Variants in TBC1D15 observed in about 807,000 individuals in gnomAD.
The protein encoded by TBC1D15 is GAP for RAB7.
In TBC1D15, 39 loss-of-function variants were observed where a neutral mutation model predicts 95.4. The observed-to-expected ratio is 0.41, with a 90% CI of 0.32 to 0.53. The LOEUF is 0.53. Among genes scored for constraint, TBC1D15 ranks in the 20% least tolerant of loss-of-function variants. The pLI is 0.29. For missense variants in TBC1D15, 733 were observed against 794.3 expected (o/e 0.92, Z 0.93); for synonymous variants, 258 against 261.3 (o/e 0.99, Z 0.12).
At chr12:71,912,258 T>G (rs1902557516) in intron 11 of TBC1D15, among the ~76,000 whole-genome samples, 1 of 152,178 alleles carries the variant, frequency 6.6e-6, no homozygotes, top group Non-Finnish European at 1.5e-5. Flanking sequence ...AGATACCTTG[T>G]TGTATGTCAC....
intron 11 of TBC1D15, among the ~76,000 whole-genome samples, chr12:71,910,378 G>GT (rs1199981079): frequency 6.7e-6 from 1 of 150,036 alleles, no homozygotes; most frequent in Non-Finnish European, 1.5e-5. Flanking sequence ...CTTTAAAGTA[G>GT]TTTTTTCCAA....
chr12:71,849,098 A>G (rs1181044250), intron 1 of TBC1D15: 1 of 187,954 alleles, frequency 5.3e-6, no homozygotes, highest in African/African-American at 2.4e-5. Flanking sequence ...TCAGATATTA[A>G]TTTTTTTCAA....
intron 10 of TBC1D15, among the ~76,000 whole-genome samples, chr12:71,905,189 C>T (rs1395360707): frequency 2.6e-5 from 4 of 151,940 alleles, no homozygotes; most frequent in Non-Finnish European, 3.0e-5. Flanking sequence ...AGAATACAAA[C>T]AACTTTTTTT....
At chr12:71,884,156 A>G (rs764781146) in intron 4 of TBC1D15, among the ~76,000 whole-genome samples, 1 of 152,154 alleles carries the variant, frequency 6.6e-6, no homozygotes, top group Non-Finnish European at 1.5e-5. Context: ...ATGTCTGTAT[A>G]TTCACTCCAG....
chr12:71,880,200 A>T (rs1313815117), intron 3 of TBC1D15, among the ~76,000 whole-genome samples: 1 of 152,000 alleles, frequency 6.6e-6, no homozygotes, highest in South Asian at 2.1e-4. Context: ...TGAGGCTTTT[A>T]TTATGAAAGC....
intron 1 of TBC1D15, among the ~76,000 whole-genome samples, chr12:71,853,145 A>G (rs1888239903): frequency 6.6e-6 from 1 of 152,228 alleles, no homozygotes; most frequent in South Asian, 2.1e-4. Flanking sequence ...GGGAGGACTC[A>G]GGAAACTTAC....
intron 1 of TBC1D15, among the ~76,000 whole-genome samples, chr12:71,840,266 T>A (rs1404868753): frequency 2.0e-5 from 3 of 152,188 alleles, no homozygotes; most frequent in African/African-American, 7.2e-5. Context: ...AGGAGCTGAA[T>A]AGATGCTAGG....
At chr12:71,893,129 T>C (rs1897495066) in intron 5 of TBC1D15, 93 bp from the exon 6 acceptor site, 1 of 639,110 alleles carries the variant, frequency 1.6e-6, no homozygotes, top group African/African-American at 1.9e-5. Flanking sequence ...GGTTTTTTTT[T>C]TTTTTGGTAA....
chr12:71,861,039 C>T (rs977179267), intron 1 of TBC1D15, among the ~76,000 whole-genome samples: 2 of 152,270 alleles, frequency 1.3e-5, no homozygotes, highest in Non-Finnish European at 2.9e-5. Context: ...ACCATCCATG[C>T]ATCCTGGGAT....
At chr12:71,840,765 A>C (rs1350924246) in intron 1 of TBC1D15, among the ~76,000 whole-genome samples, 1 of 152,102 alleles carries the variant, frequency 6.6e-6, no homozygotes, top group Non-Finnish European at 1.5e-5. Flanking sequence ...CCCATTTTGA[A>C]TTATTTGACA....
At chr12:71,883,100 A>G (rs1020939442) in intron 4 of TBC1D15, among the ~76,000 whole-genome samples, 1 of 151,688 alleles carries the variant, frequency 6.6e-6, no homozygotes, top group Non-Finnish European at 1.5e-5. Context: ...AAAATTGTCT[A>G]TATGTAGTTT....
intron 3 of TBC1D15, among the ~76,000 whole-genome samples, chr12:71,877,041 C>T (rs973808278): frequency 2.0e-5 from 3 of 151,938 alleles, no homozygotes; most frequent in South Asian, 2.1e-4. Context: ...GAATCCCTGA[C>T]CTCAAGTGAT....
At chr12:71,866,298 C>T (rs961979881) in intron 1 of TBC1D15, among the ~76,000 whole-genome samples, 11 of 152,308 alleles carry the variant, frequency 7.2e-5, no homozygotes, top group South Asian at 2.1e-4. Context: ...AGGACAGATG[C>T]GGTATCTTCT....
At position 71,917,811 on chromosome 12, in the gene TBC1D15, A is replaced by T; in HGVS notation, c.1501+14A>T. On this transcript the variant is annotated intron_variant, in intron 13 of 16. Transcript: ENST00000485960. ...GCAGTTACTTAGGTAAGTTTAGTGA[A>T]TCAGAACTATACCCAGCAAATTGTA... The T allele has an allele frequency of 6.5e-7, 1 of 1,527,534 alleles. No individual in the cohort carries two copies. The highest frequency in any genetic ancestry group is 1.1e-5 in the South Asian group (1 of 88,762). 94.6% of individuals were successfully genotyped at this position (1,527,534 alleles called of 1,614,324 possible).
intron 1 of TBC1D15, among the ~76,000 whole-genome samples, chr12:71,840,035 G>T (rs918145748): frequency 3.9e-5 from 6 of 152,132 alleles, no homozygotes; most frequent in African/African-American, 1.4e-4. Flanking sequence ...AGGCCTCGGC[G>T]CTCTTCTGCC....
In TBC1D15 at chr12:71,921,994, G is replaced by A. The variant is rs529838896; in HGVS notation, c.1803+540G>A. ...GGGCCTTGCTAAGTTGCCCAAGCTGGCCTTGAACTCCTGGGCTCAAGTGAT... is the reference window on the plus strand; with the variant it reads ...GGGCCTTGCTAAGTTGCCCAAGCTGACCTTGAACTCCTGGGCTCAAGTGAT... On this transcript the variant is annotated intron_variant, in intron 16 of 16. Coordinates refer to ENST00000485960, the MANE Select transcript of TBC1D15 (RefSeq NM_001146213.3). 3.9e-5 allele frequency among the ~76,000 whole-genome samples: 6 copies of A among 152,238 alleles called. No individual in the cohort carries two copies. The South Asian group carries it at 1.2e-3, about 32-fold the overall frequency.
At chr12:71,902,153 C>T (rs533162668) in intron 10 of TBC1D15, among the ~76,000 whole-genome samples, 9 of 152,072 alleles carry the variant, frequency 5.9e-5, no homozygotes, top group Non-Finnish European at 1.2e-4. Flanking sequence ...TTAAAATGGC[C>T]GTACTGCCCA....
intron 1 of TBC1D15, among the ~76,000 whole-genome samples, chr12:71,843,356 A>G (rs1450656503): frequency 2.6e-5 from 4 of 152,068 alleles, no homozygotes; most frequent in African/African-American, 7.2e-5. Context: ...TTTAGTAACA[A>G]TTTATTTTGT....
At chr12:71,916,240 C>T (rs1035068435) in intron 12 of TBC1D15, among the ~76,000 whole-genome samples, 1 of 152,166 alleles carries the variant, frequency 6.6e-6, no homozygotes, top group Admixed American at 6.5e-5. Flanking sequence ...ATCCCACTCT[C>T]CCTTCTCCAG....
Sources: allele counts gnomAD v4.1 joint callset (sites outside exome capture counted in the v4.1 genomes callset), GRCh38; gene constraint gnomAD v4.1.1; transcripts MANE v1.5; gene names NCBI Gene and HGNC (gene_info 2026-07-23, HGNC 2026-07-21).